The following SRGAP2 variants were observed in gnomAD, a reference collection of about 807,000 sequenced individuals.
SRGAP2 encodes the protein SLIT-ROBO Rho GTPase activating protein 2.
Under a neutral mutation model 57.2 loss-of-function variants are expected in SRGAP2, and 15 were observed. The ratio of observed to expected loss-of-function variants is 0.26; its 90% CI spans 0.18 to 0.40. SRGAP2 has a LOEUF of 0.40. Ranked by LOEUF, SRGAP2 falls within the 10% of genes least tolerant of loss-of-function variation. The probability of loss-of-function intolerance (pLI) is 1.00; values close to 1 mark genes in which losing one functional copy is unlikely to be tolerated. For synonymous variants in SRGAP2, 249 were observed against 248.0 expected, an observed-to-expected ratio of 1.00 and a Z score of -0.04; for missense variants, 520 against 669.6, an observed-to-expected ratio of 0.78 and a Z score of 2.47.
intron 11 of SRGAP2, among the ~76,000 whole-genome samples, chr1:206,418,267 G>T (rs1553362762): frequency 1.3e-5 from 2 of 152,172 alleles, no homozygotes; most frequent in East Asian, 3.8e-4. Context: ...GAAAATAATG[G>T]CTCAGAATAA....
intron 17 of SRGAP2, among the ~76,000 whole-genome samples, chr1:206,445,598 T>A (rs1208184822): frequency 6.6e-6 from 1 of 152,206 alleles, no homozygotes; most frequent in Non-Finnish European, 1.5e-5. Flanking sequence ...ATAATTTGAT[T>A]ATTTTGTTAT....
At position 206,418,104 on chromosome 1, in the gene SRGAP2, G is replaced by GA. The variant is rs59868498; in HGVS notation, c.1442-1259dup. Among the ~76,000 whole-genome samples the GA allele has an allele frequency of 3.8e-3, 552 of 146,892 alleles. 2 individuals carry two copies. The highest frequency in any genetic ancestry group is 0.013 in the African/African-American group (527 of 40,098). ...AAAGATGACAAGTTCTAGCAATAAA[G>GA]AAAAAAAAAAGCTATAAATCTTTCT... On this transcript the variant is annotated intron_variant, in intron 11 of 22. Coordinates refer to ENST00000573034, the MANE Select transcript of SRGAP2 (RefSeq NM_015326.5).
At chr1:206,401,186 A>C (rs1658117306) in intron 7 of SRGAP2, among the ~76,000 whole-genome samples, 1 of 152,222 alleles carries the variant, frequency 6.6e-6, no homozygotes, top group Non-Finnish European at 1.5e-5. Context: ...TTTTATCCTT[A>C]TGAATCTTCT....
intron 13 of SRGAP2, among the ~76,000 whole-genome samples, chr1:206,425,167 C>T (rs1660686384): frequency 6.6e-6 from 1 of 152,092 alleles, no homozygotes; most frequent in Non-Finnish European, 1.5e-5. Context: ...AATATATAAA[C>T]CTAGGACCAA....
intron 4 of SRGAP2, among the ~76,000 whole-genome samples, chr1:206,376,244 G>GT (rs1467478017): frequency 6.6e-6 from 1 of 151,886 alleles, no homozygotes; most frequent in Non-Finnish European, 1.5e-5. Context: ...TGGGAGTTTT[G>GT]TTTTTTTGTT....
intron 4 of SRGAP2, among the ~76,000 whole-genome samples, chr1:206,364,786 TGCGTA>T (rs1653806781): frequency 1.3e-5 from 2 of 152,032 alleles, no homozygotes; most frequent in Non-Finnish European, 2.9e-5. Flanking sequence ...GATGGTGTTC[TGCGTA>T]GCCCAGAGGC....
intron 5 of SRGAP2, among the ~76,000 whole-genome samples, chr1:206,391,048 G>A (rs1252112034): frequency 3.9e-5 from 6 of 152,004 alleles, no homozygotes; most frequent in African/African-American, 1.5e-4. Context: ...TGACATTTGG[G>A]CCAGATAATT....
intron 13 of SRGAP2, among the ~76,000 whole-genome samples, chr1:206,427,588 T>C (rs1660908429): frequency 6.6e-6 from 1 of 152,210 alleles, no homozygotes; most frequent in Non-Finnish European, 1.5e-5. Flanking sequence ...ACCCAGCTGC[T>C]TGCCTAATAG....
chr1:206,321,753 A>G (rs1673466460), intron 3 of SRGAP2, among the ~76,000 whole-genome samples: 1 of 150,046 alleles, frequency 6.7e-6, no homozygotes, highest in African/African-American at 2.5e-5. Context: ...ATATTTGGCC[A>G]ATGGAGTCCC....
At chr1:206,280,677 C>CT (rs1438823523) in intron 2 of SRGAP2, among the ~76,000 whole-genome samples, 8 of 151,868 alleles carry the variant, frequency 5.3e-5, no homozygotes, top group African/African-American at 1.9e-4. Context: ...AAGGTTGTAT[C>CT]TTGGTGAGAT....
At position 206,462,178 on chromosome 1, in the gene SRGAP2, T is replaced by G; in HGVS notation, c.*758T>G. On this transcript the variant is annotated 3_prime_UTR_variant, in exon 23 of 23. Transcript: ENST00000573034. ...CTGTGTTCTTTCCATTGATGTGAATTGGTCATTGGTGTTTGCTCTTGCCTC... is the reference window on the plus strand; with the variant it reads ...CTGTGTTCTTTCCATTGATGTGAATGGGTCATTGGTGTTTGCTCTTGCCTC... 1 of 152,582 alleles carries G rather than the reference T, an allele frequency of 6.6e-6. No individual in the cohort carries two copies. Among genetic ancestry groups the G allele is most frequent in the East Asian group, 1.9e-4 (1 of 5,196 alleles). The allele number at this position is 152,582 out of a possible 1,614,324, so 9.5% of individuals were successfully genotyped here.
At chr1:206,387,188 G>T (rs1656387686) in intron 5 of SRGAP2, among the ~76,000 whole-genome samples, 1 of 148,822 alleles carries the variant, frequency 6.7e-6, no homozygotes, top group Non-Finnish European at 1.5e-5. Context: ...TGGAGATTAA[G>T]ATAGGTTTAG....
intron 10 of SRGAP2, among the ~76,000 whole-genome samples, chr1:206,411,471 C>T (rs932495255): frequency 2.0e-5 from 3 of 152,188 alleles, no homozygotes; most frequent in Non-Finnish European, 2.9e-5. Flanking sequence ...GGGAGACATG[C>T]TCCATTTAAA....
At chr1:206,240,224 C>A (rs1390676265) in intron 2 of SRGAP2, among the ~76,000 whole-genome samples, 2 of 149,002 alleles carry the variant, frequency 1.3e-5, no homozygotes, top group African/African-American at 5.0e-5. Context: ...TGAGATTGCA[C>A]CATTGCACTC....
intron 2 of SRGAP2, among the ~76,000 whole-genome samples, chr1:206,287,036 G>A (rs1158695449): frequency 1.3e-5 from 2 of 152,216 alleles, no homozygotes; most frequent in East Asian, 1.9e-4. Flanking sequence ...ATGAGGCTGA[G>A]TTGCACTGTT....
At chr1:206,449,063 G>A (rs1663017723) in intron 18 of SRGAP2, among the ~76,000 whole-genome samples, 2 of 152,134 alleles carry the variant, frequency 1.3e-5, no homozygotes, top group Admixed American at 1.3e-4. Context: ...GCCAGGCTGA[G>A]TGGGTGATGG....
At chr1:206,225,766 A>C (rs1408322834) in intron 2 of SRGAP2, among the ~76,000 whole-genome samples, 1 of 152,138 alleles carries the variant, frequency 6.6e-6, no homozygotes, top group East Asian at 1.9e-4. Flanking sequence ...TGTTTGCAGG[A>C]ATTAATAGCA....
At chr1:206,452,928 T>TTTTGATG (rs1337665919) in intron 19 of SRGAP2, among the ~76,000 whole-genome samples, 1 of 148,734 alleles carries the variant, frequency 6.7e-6, no homozygotes, top group Non-Finnish European at 1.5e-5. Flanking sequence ...TTGAGTTGTG[T>TTTTGATG]TTTGATGTGC....
intron 3 of SRGAP2, among the ~76,000 whole-genome samples, chr1:206,326,740 A>G (rs1334231361): frequency 2.0e-5 from 3 of 152,132 alleles, no homozygotes; most frequent in African/African-American, 4.8e-5. Flanking sequence ...CCATGATTCT[A>G]TTTTTGTACA....
Sources: allele counts gnomAD v4.1 joint callset (sites outside exome capture counted in the v4.1 genomes callset), GRCh38; gene constraint gnomAD v4.1.1; transcripts MANE v1.5; gene names NCBI Gene and HGNC (gene_info 2026-07-23, HGNC 2026-07-21).